C2CD5: variants seen among roughly 807,000 people sequenced by gnomAD.
C2CD5 encodes C2 domain-containing protein 5.
Under a neutral mutation model 130.3 loss-of-function variants are expected in C2CD5, and 109 were observed. The observed-to-expected ratio is 0.84, with a 90% CI of 0.72 to 0.98. The LOEUF (loss-of-function observed/expected upper bound fraction) is 0.98, where lower values mean the gene tolerates loss of function less well. Among genes scored for constraint, C2CD5 ranks in the 50% least tolerant of loss-of-function variants. The pLI is 0.00. For synonymous variants in C2CD5, 454 were observed against 429.2 expected (o/e 1.06, Z -0.71); for missense variants, 996 against 1,261.8 (o/e 0.79, Z 3.19).
intron 10 of C2CD5, among the ~76,000 whole-genome samples, chr12:22,499,650 AC>A (rs1947498081): frequency 6.6e-6 from 1 of 151,892 alleles, no homozygotes; most frequent in Non-Finnish European, 1.5e-5. Context: ...CCCATTCTCC[AC>A]CCTATAGTCA....
chr12:22,502,286 T>C (rs1947897027), intron 10 of C2CD5, among the ~76,000 whole-genome samples: 1 of 152,224 alleles, frequency 6.6e-6, no homozygotes, highest in Admixed American at 6.5e-5. Context: ...ATGCTAACAG[T>C]TACACTTTTA....
intron 22 of C2CD5, among the ~76,000 whole-genome samples, chr12:22,462,862 G>A (rs1224021542): frequency 6.6e-6 from 1 of 152,022 alleles, no homozygotes; most frequent in Non-Finnish European, 1.5e-5. Context: ...CTAAGTGGGC[G>A]GGTCAGTTGA....
chr12:22,519,151 T>C, intron 7 of C2CD5: 1 of 1,535,974 alleles, frequency 6.5e-7, no homozygotes, highest in Non-Finnish European at 8.7e-7. Context: ...ACAGAGAAGT[T>C]CTGAGTAAGT....
At chr12:22,515,089 AC>A in intron 8 of C2CD5, 2 of 985,186 alleles carry the variant, frequency 2.0e-6, no homozygotes, top group Non-Finnish European at 2.4e-6. Context: ...GATGAAGGGA[AC>A]CACAAGAGAG....
chr12:22,471,916 A>C (rs1261238189), intron 19 of C2CD5, 51 bp downstream of exon 19: 1 of 1,012,032 alleles, frequency 9.9e-7, no homozygotes, highest in Non-Finnish European at 1.6e-6. Context: ...AGACACTTAA[A>C]ATTTCATTAT....
intron 3 of C2CD5, among the ~76,000 whole-genome samples, chr12:22,529,639 CTT>C (rs1484989694): frequency 6.6e-6 from 1 of 152,108 alleles, no homozygotes; most frequent in Non-Finnish European, 1.5e-5. Context: ...TAAATTAAGA[CTT>C]TCTGAGAAAT....
At chr12:22,520,366 C>CA (rs1309165876) in intron 7 of C2CD5, among the ~76,000 whole-genome samples, 4 of 152,140 alleles carry the variant, frequency 2.6e-5, no homozygotes, top group African/African-American at 9.7e-5. Flanking sequence ...CCCCAATTCA[C>CA]AATTTGTCAA....
intron 2 of C2CD5, among the ~76,000 whole-genome samples, chr12:22,542,211 A>G (rs1475041603): frequency 6.6e-6 from 1 of 152,214 alleles, no homozygotes; most frequent in East Asian, 1.9e-4. Context: ...GAAACAAACT[A>G]ATACAAACAT....
intron 10 of C2CD5, among the ~76,000 whole-genome samples, chr12:22,493,914 A>C (rs138951224): frequency 4.0e-3 from 609 of 152,112 alleles, no homozygotes; most frequent in Middle Eastern, 0.017. Flanking sequence ...AAAAAGAAAG[A>C]AAGCAAGCAC....
chr12:22,453,828 TA>T (rs1939227289), intron 26 of C2CD5, 67 bp downstream of exon 26: 3 of 1,430,682 alleles, frequency 2.1e-6, no homozygotes, highest in Admixed American at 1.8e-5. Context: ...TGGAGGGGGT[TA>T]GGGGTAGGAA....
In C2CD5 at chr12:22,535,663, T is replaced by C. The variant is rs140051046; in HGVS notation, c.91-319A>G. On this transcript the variant is annotated intron_variant, in intron 2 of 26. Transcript: ENST00000446597. Reference sequence around the variant, plus strand: ...TAGAAAAAATAGGCAAAGGATATGATCAGGTAAGTCACAGAAATGGAAATA... The same window carrying C: ...TAGAAAAAATAGGCAAAGGATATGACCAGGTAAGTCACAGAAATGGAAATA... Among the ~76,000 whole-genome samples the C allele has an allele frequency of 2.7e-3, 407 of 152,246 alleles. 5 individuals are homozygous for C. The South Asian group carries it at 0.036, about 13-fold the overall frequency.
intron 13 of C2CD5, chr12:22,484,425 A>G (rs1418258111): frequency 3.2e-6 from 1 of 316,860 alleles, no homozygotes; most frequent in Admixed American, 4.8e-5. Context: ...ACTTAGTCAC[A>G]TCCCTAGCCT....
intron 3 of C2CD5, among the ~76,000 whole-genome samples, chr12:22,529,036 A>C (rs1950976282): frequency 6.6e-6 from 1 of 152,202 alleles, no homozygotes; most frequent in Non-Finnish European, 1.5e-5. Context: ...AGATGAAATC[A>C]TATAACATCT....
chr12:22,453,991 T>C lies in C2CD5; in HGVS notation c.2929A>G (p.Met977Val), dbSNP rs773517581. Residue 977 changes from methionine (M) to valine (V), a missense_variant, in exon 26 of 27, where the codon ATG becomes GTG. Physicochemically the swap from Met to Val is conservative, Grantham distance 21. Around this residue, in one of 9 missense-constraint regions of C2CD5, gnomAD observed 51 missense variants for 99.5 expected, o/e 0.51. Transcript: ENST00000446597. ...AATGCAGCAACATGAGCTCTCACCA[T>C]TGCAAACACTTCAGCAATAAAAGCA... ...LHAFIAEVFA[M>V]VRAHVAALGG... 5 of 1,613,594 alleles carry C rather than the reference T, an allele frequency of 3.1e-6. No individual in the cohort carries two copies. Among genetic ancestry groups the C allele is most frequent in the South Asian group, 1.1e-5 (1 of 91,072 alleles).
At chr12:22,530,078 A>C (rs931273670) in intron 3 of C2CD5, among the ~76,000 whole-genome samples, 4 of 86,834 alleles carry the variant, frequency 4.6e-5, no homozygotes, top group African/African-American at 1.4e-4. Context: ...TTTGAGTGCT[A>C]TATATATATA....
At chr12:22,486,524 G>A (rs1381354458) in intron 12 of C2CD5, among the ~76,000 whole-genome samples, 2 of 152,130 alleles carry the variant, frequency 1.3e-5, no homozygotes, top group Non-Finnish European at 2.9e-5. Context: ...TACAACTGCT[G>A]AGGACTAGCA....
At chr12:22,499,936 C>A (rs913370502) in intron 10 of C2CD5, among the ~76,000 whole-genome samples, 2 of 152,132 alleles carry the variant, frequency 1.3e-5, no homozygotes, top group African/African-American at 4.8e-5. Context: ...GCCCGTAATC[C>A]CCACACTTTG....
chr12:22,459,605 G>A (rs1308187911), intron 22 of C2CD5, 63 bp from the exon 23 acceptor site: 3 of 1,006,222 alleles, frequency 3.0e-6, no homozygotes, highest in Admixed American at 2.1e-5. Flanking sequence ...CCTCTTCTTT[G>A]TTATTTGTTA....
intron 26 of C2CD5, among the ~76,000 whole-genome samples, chr12:22,453,080 T>C (rs1939043125): frequency 6.6e-6 from 1 of 152,212 alleles, no homozygotes; most frequent in Non-Finnish European, 1.5e-5. Context: ...GCAAAAAATA[T>C]ATATACATAT....
Sources: allele counts gnomAD v4.1 joint callset (sites outside exome capture counted in the v4.1 genomes callset), GRCh38; gene constraint gnomAD v4.1.1; regional missense constraint gnomAD v4.1.1; transcripts MANE v1.5; gene names NCBI Gene and HGNC (gene_info 2026-07-23, HGNC 2026-07-21).